Variants in ALMS1 observed in about 807,000 individuals in gnomAD.
ALMS1 encodes the protein centrosome-associated protein ALMS1.
Under a neutral mutation model 352.2 loss-of-function variants are expected in ALMS1, and 271 were observed. The ratio of observed to expected loss-of-function variants is 0.77; its 90% CI spans 0.70 to 0.85. The LOEUF (loss-of-function observed/expected upper bound fraction) is 0.85. Ranked by LOEUF, ALMS1 falls within the 40% of genes least tolerant of loss-of-function variation. The probability of loss-of-function intolerance (pLI) is 0.00; values close to 1 mark genes in which losing one functional copy is unlikely to be tolerated. For missense variants in ALMS1, 5,445 were observed against 4,870.7 expected (o/e 1.12, Z -3.51); for synonymous variants, 1,865 against 1,761.2 (o/e 1.06, Z -1.48).
chr2:73,471,493 CAA>C (rs58688820), intron 9 of ALMS1, among the ~76,000 whole-genome samples: 16 of 113,624 alleles, frequency 1.4e-4, no homozygotes, highest in African/African-American at 5.4e-4. Flanking sequence ...ACTCAACAGC[CAA>C]AAAAAAAAAA....
At position 73,490,730 on chromosome 2, in the gene ALMS1, T is replaced by C. The variant is rs199888202; in HGVS notation, c.8771T>C (p.Leu2924Pro). The C allele has an allele frequency of 1.7e-4, 275 of 1,614,080 alleles. No homozygotes were observed. The highest frequency in any genetic ancestry group is 2.3e-4 in the Non-Finnish European group (270 of 1,180,036). ...CCAGACCTTCCTTCTTGCATTTTTCTTGAACAACGAGAACTCTTTGAACAG... is the reference window on the plus strand; with the variant it reads ...CCAGACCTTCCTTCTTGCATTTTTCCTGAACAACGAGAACTCTTTGAACAG... ...VAPDLPSCIFLEQRELFEQCK... is the reference protein window; with the variant it reads ...VAPDLPSCIFPEQRELFEQCK... The change falls in exon 10 of 23, where the codon CTT becomes CCT. Residue 2924 changes from leucine (L) to proline (P), a missense_variant. Physicochemically the swap from Leu to Pro is moderately conservative, Grantham distance 98. Transcript: ENST00000613296.
chr2:73,562,770 C>A (rs13395057), intron 15 of ALMS1, among the ~76,000 whole-genome samples: 2,458 of 151,846 alleles, frequency 0.016, 61 homozygotes, highest in African/African-American at 0.057. Flanking sequence ...GCCTGTAATC[C>A]CAGCTACTCA....
At chr2:73,484,262 A>G (rs1672777889) in intron 9 of ALMS1, among the ~76,000 whole-genome samples, 1 of 151,642 alleles carries the variant, frequency 6.6e-6, no homozygotes, top group Non-Finnish European at 1.5e-5. Context: ...CTTTTAGGGC[A>G]GGCCTAGTGG....
At chr2:73,515,620 A>G (rs146896938) in intron 10 of ALMS1, among the ~76,000 whole-genome samples, 13 of 152,298 alleles carry the variant, frequency 8.5e-5, no homozygotes, top group South Asian at 4.2e-4. Context: ...GCGAAAATCC[A>G]TACAAAAGAT....
chr2:73,487,710 A>AG (rs1419161935), intron 9 of ALMS1, among the ~76,000 whole-genome samples: 3 of 152,158 alleles, frequency 2.0e-5, no homozygotes, highest in African/African-American at 7.2e-5. Flanking sequence ...GGACAACTGG[A>AG]GGGTGAGCAA....
At chr2:73,446,181 CT>C (rs1446614809) in intron 7 of ALMS1, among the ~76,000 whole-genome samples, 2 of 152,084 alleles carry the variant, frequency 1.3e-5, no homozygotes, top group East Asian at 1.9e-4. Context: ...TCCTTTACCC[CT>C]GAGGTTAAAA....
rs1671630841 is a variant in ALMS1 at position 73,437,660 on chromosome 2, G to T, written c.1432+5369G>T. Among the ~76,000 whole-genome samples the T allele has an allele frequency of 2.0e-5, 3 of 152,112 alleles. No homozygotes were observed. The South Asian group carries it at 6.2e-4, about 32-fold the overall frequency. Reference sequence around the variant, plus strand: ...TGGTACATCTCATTTCTACCAGTAAGATCCTGAGCTCCTCACTTATCTCTC... The same window carrying T: ...TGGTACATCTCATTTCTACCAGTAATATCCTGAGCTCCTCACTTATCTCTC... On this transcript the variant is annotated intron_variant, in intron 7 of 22. Transcript: ENST00000613296.
intron 10 of ALMS1, among the ~76,000 whole-genome samples, chr2:73,498,105 C>T (rs1347703675): frequency 1.3e-5 from 2 of 151,998 alleles, no homozygotes; most frequent in Non-Finnish European, 2.9e-5. Context: ...AAAGTACATA[C>T]CTTAATTTAA....
intron 6 of ALMS1, among the ~76,000 whole-genome samples, chr2:73,429,015 A>G (rs1161068615): frequency 6.6e-6 from 1 of 152,226 alleles, no homozygotes; most frequent in Non-Finnish European, 1.5e-5. Flanking sequence ...AATCCAGTTC[A>G]GTTACTTTGT....
chr2:73,481,901 T>C (rs975114672), intron 9 of ALMS1, among the ~76,000 whole-genome samples: 9 of 151,608 alleles, frequency 5.9e-5, no homozygotes, highest in Non-Finnish European at 1.0e-4. Context: ...TGTATAAGGA[T>C]GCTTGTGATT....
At chr2:73,498,447 CA>C (rs1447797528) in intron 10 of ALMS1, among the ~76,000 whole-genome samples, 5 of 151,902 alleles carry the variant, frequency 3.3e-5, no homozygotes, top group Non-Finnish European at 5.9e-5. Flanking sequence ...TTAAAATGTA[CA>C]GTCATTATTT....
rs750128969 is a variant in ALMS1, at chr2:73,572,304, T to G, written c.10427T>G (p.Val3476Gly). The G allele has an allele frequency of 1.2e-6, 2 of 1,607,456 alleles. No individual in the cohort carries two copies. The highest frequency in any genetic ancestry group is 2.2e-5 in the South Asian group (2 of 89,412). The change falls in exon 16 of 23, where the codon GTC (valine) becomes GGC (glycine). Residue 3476 changes from valine to glycine, a missense_variant. Transcript: ENST00000613296. ...HSEFENTTRS[V>G]FRSAKFYIHH... is the part of the protein sequence containing the mutation. ...GAATTTGAAAATACTACCCGTTCTGTCTTCAGGTCAGCAAAGTTTTACATT... is the reference window on the plus strand; with the variant it reads ...GAATTTGAAAATACTACCCGTTCTGGCTTCAGGTCAGCAAAGTTTTACATT...
chr2:73,518,424 C>G (rs111424278), intron 10 of ALMS1, among the ~76,000 whole-genome samples: 3 of 152,064 alleles, frequency 2.0e-5, no homozygotes, highest in African/African-American at 7.2e-5. Context: ...CTATAATGAA[C>G]ATTTGTGTGC....
At position 73,397,225 on chromosome 2, in the gene ALMS1, T is replaced by C. The variant is rs897199047; in HGVS notation, c.324+11033T>C. 7.2e-5 allele frequency among the ~76,000 whole-genome samples: 11 copies of C among 152,202 alleles called. 1 individual carries two copies. Among genetic ancestry groups the C allele is most frequent in the African/African-American group, 2.7e-4 (11 of 41,452 alleles). On this transcript the variant is annotated intron_variant, in intron 1 of 22. Transcript: ENST00000613296. Reference sequence around the variant, plus strand: ...ATTACACTAGATTTTTCTTCCCTAGTACTAGTTAGTTCCCACAGTGGTTTC... The same window carrying C: ...ATTACACTAGATTTTTCTTCCCTAGCACTAGTTAGTTCCCACAGTGGTTTC...
intron 9 of ALMS1, among the ~76,000 whole-genome samples, chr2:73,479,979 C>T (rs1672661271): frequency 6.6e-6 from 1 of 152,010 alleles, no homozygotes; most frequent in Non-Finnish European, 1.5e-5. Flanking sequence ...TTTGATGTTG[C>T]ACATTTTTTA....
At chr2:73,400,816 C>G (rs1417088074) in intron 1 of ALMS1, among the ~76,000 whole-genome samples, 1 of 152,000 alleles carries the variant, frequency 6.6e-6, no homozygotes, top group East Asian at 1.9e-4. Context: ...GAGACAGAGT[C>G]TTGCTGTGTC....
intron 7 of ALMS1, among the ~76,000 whole-genome samples, chr2:73,434,676 G>C (rs186884036): frequency 1.1e-4 from 16 of 152,252 alleles, no homozygotes; most frequent in African/African-American, 3.9e-4. Context: ...CAAAAGAAGG[G>C]TACTGAAGTC....
At chr2:73,512,332 C>G (rs1181009062) in intron 10 of ALMS1, among the ~76,000 whole-genome samples, 3 of 151,854 alleles carry the variant, frequency 2.0e-5, no homozygotes, top group Admixed American at 2.0e-4. Flanking sequence ...ATCTGCCCAC[C>G]TTGGCCTCCC....
Position 73,573,243 on chromosome 2 carries a change from G to A in ALMS1, c.11366G>A (p.Arg3789Gln), listed in dbSNP as rs1167052698. 1.9e-6 allele frequency: 3 copies of A among 1,613,668 alleles called. No homozygotes were observed. The highest frequency in any genetic ancestry group is 2.2e-5 in the South Asian group (2 of 91,064). Residue 3789 changes from arginine to glutamine, a missense_variant, in exon 16 of 23, where the codon CGG (arginine) becomes CAG (glutamine). Transcript: ENST00000613296. Reference protein sequence around the residue: ...SSSVSTIDTARLIQAFGHERV... With the variant: ...SSSVSTIDTAQLIQAFGHERV... ...TCTGTTTCCACTATTGACACTGCCC[G>A]GCTGATTCAAGCTTTTGGCCATGAA... is the stretch of plus-strand genomic sequence containing the variant.
Sources: allele counts gnomAD v4.1 joint callset (sites outside exome capture counted in the v4.1 genomes callset), GRCh38; gene constraint gnomAD v4.1.1; transcripts MANE v1.5; gene names NCBI Gene and HGNC (gene_info 2026-07-23, HGNC 2026-07-21).